CLPX: variants seen among roughly 807,000 people sequenced by gnomAD.
The protein encoded by CLPX is ATP-dependent clpX-like chaperone, mitochondrial.
CLPX carries 34 observed loss-of-function variants against 76.4 expected under a neutral mutation model. The observed-to-expected ratio is 0.45, with a 90% confidence interval of 0.34 to 0.59. The LOEUF (loss-of-function observed/expected upper bound fraction) is 0.59, where lower values mean the gene tolerates loss of function less well. CLPX is among the 20% of genes least tolerant of loss of function. The pLI is 0.01. For missense variants in CLPX, 613 were observed against 757.0 expected, an observed-to-expected ratio of 0.81 and a Z score of 2.23; for synonymous variants, 248 against 270.9, an observed-to-expected ratio of 0.92 and a Z score of 0.83.
chr15:65,162,089 T>C (rs1370992970), intron 6 of CLPX, among the ~76,000 whole-genome samples: 1 of 152,168 alleles, frequency 6.6e-6, no homozygotes, highest in East Asian at 1.9e-4. Flanking sequence ...CAACTAACTA[T>C]ATCCACCTCC....
At chr15:65,165,470 G>A (rs1385235364) in intron 4 of CLPX, among the ~76,000 whole-genome samples, 2 of 126,510 alleles carry the variant, frequency 1.6e-5, no homozygotes, top group Admixed American at 1.0e-4. Flanking sequence ...TGCAAGCTCC[G>A]CCTCCCGGGT....
chr15:65,179,106 C>T (rs2088129021), intron 2 of CLPX, 55 bp from the exon 3 acceptor site: 2 of 988,874 alleles, frequency 2.0e-6, no homozygotes, highest in Admixed American at 3.7e-5. Context: ...TTTCAGGCAA[C>T]CAACTTAAAT....
intron 3 of CLPX, among the ~76,000 whole-genome samples, chr15:65,173,033 A>G (rs536157672): frequency 6.6e-6 from 1 of 152,262 alleles, no homozygotes; most frequent in South Asian, 2.1e-4. Context: ...AAATAAAACC[A>G]AAAGAAGCCC....
rs949727712 is a variant in CLPX, at chr15:65,149,619, T to C, written c.*1204A>G. On this transcript the variant is annotated 3_prime_UTR_variant, in exon 14 of 14. Coordinates refer to ENST00000300107, the MANE Select transcript of CLPX (RefSeq NM_006660.5). ...GCTTACGCCTGCAATCCCAGCACTT[T>C]GGGAGGCTGAGGCCAGCAGATCACA... 6 of 444,294 alleles carry C rather than the reference T, an allele frequency of 1.4e-5. No homozygotes were observed. The highest frequency in any genetic ancestry group is 1.3e-4 in the Admixed American group (5 of 39,640). The allele number at this position is 444,294 out of a possible 1,614,324, so 27.5% of individuals were successfully genotyped here. A position where few individuals can be genotyped will look rare whatever the true frequency, so the allele number is the denominator to read the frequency against.
intron 12 of CLPX, among the ~76,000 whole-genome samples, chr15:65,152,839 C>T (rs572738344): frequency 7.9e-5 from 12 of 151,678 alleles, no homozygotes; most frequent in East Asian, 3.9e-4. Context: ...TCAGGCAATC[C>T]GCCTGCCTCA....
chr15:65,168,235 T>G (rs1047689898), intron 3 of CLPX, among the ~76,000 whole-genome samples: 4 of 150,068 alleles, frequency 2.7e-5, no homozygotes, highest in Non-Finnish European at 5.9e-5. Context: ...AATAGAAAAA[T>G]TAGCTGGGTG....
At chr15:65,168,081 A>G (rs576910596) in intron 3 of CLPX, among the ~76,000 whole-genome samples, 1 of 151,628 alleles carries the variant, frequency 6.6e-6, no homozygotes, top group East Asian at 2.0e-4. Flanking sequence ...GGATAAAAAG[A>G]GTCTCTTTTT....
chr15:65,164,333 A>G, intron 4 of CLPX, 145 bp from the exon 5 acceptor site: 1 of 594,018 alleles, frequency 1.7e-6, no homozygotes, highest in Non-Finnish European at 2.9e-6. Context: ...TACATTATAT[A>G]GCAATGATTC....
At chr15:65,182,625 G>A (rs997102354) in intron 1 of CLPX, among the ~76,000 whole-genome samples, 2 of 152,172 alleles carry the variant, frequency 1.3e-5, no homozygotes, top group Non-Finnish European at 2.9e-5. Flanking sequence ...CCAAGGAAAC[G>A]TTGTGTTTCA....
chr15:65,174,645 G>C (rs188900228), intron 3 of CLPX, among the ~76,000 whole-genome samples: 1 of 152,162 alleles, frequency 6.6e-6, no homozygotes, highest in Non-Finnish European at 1.5e-5. Context: ...TTTTTAAAAG[G>C]AAAGGATTAG....
chr15:65,155,937 GA>G (rs2087784671), intron 9 of CLPX, 81 bp from the exon 10 acceptor site: 3 of 1,226,856 alleles, frequency 2.4e-6, no homozygotes, highest in Non-Finnish European at 3.5e-6. Context: ...ATTAAATGGG[GA>G]AAACAATATG....
intron 12 of CLPX, 50 bp downstream of exon 12, chr15:65,153,497 C>A: frequency 8.5e-7 from 1 of 1,172,100 alleles, no homozygotes. Flanking sequence ...TTAATATACT[C>A]AAAACTCAGA....
At chr15:65,156,039 A>G (rs1418169923) in intron 9 of CLPX, among the ~76,000 whole-genome samples, 183 bp from the exon 10 acceptor site, 1 of 152,218 alleles carries the variant, frequency 6.6e-6, no homozygotes, top group East Asian at 1.9e-4. Flanking sequence ...AATAATTAAT[A>G]CATTTATTTG....
intron 7 of CLPX, 74 bp downstream of exon 7, chr15:65,158,501 A>C: frequency 7.9e-7 from 1 of 1,265,018 alleles, no homozygotes; most frequent in South Asian, 1.5e-5. Context: ...CTTCAATCGC[A>C]AGATACAGGT....
chr15:65,180,204 C>A lies in CLPX; in HGVS notation c.80G>T (p.Gly27Val). The change falls in exon 2 of 14, where the codon GGT becomes GTT. Residue 27 changes from glycine (G) to valine (V), a missense_variant and splice_region_variant. Transcript: ENST00000300107. ...CATATGAATGCGACCACCAGAAATA[C>A]CTGAAAATAAAAGGAAATCTACATC... ...ITSSLASAQR[G>V]ISGGRIHMSV... The A allele has an allele frequency of 6.3e-7, 1 of 1,579,922 alleles. No individual in the cohort carries two copies. The highest frequency in any genetic ancestry group is 8.6e-7 in the Non-Finnish European group (1 of 1,163,850).
chr15:65,164,985 C>T (rs139771760), intron 4 of CLPX, among the ~76,000 whole-genome samples: 208 of 152,076 alleles, frequency 1.4e-3, no homozygotes, highest in South Asian at 3.5e-3. Flanking sequence ...AGCTTGGAAC[C>T]TGGGGTAAAT....
rs201618549 is a variant in CLPX, at chr15:65,185,190, G to A, written c.-37C>T. ...CTAGGCCGGGGCTTCGCCCCCTGAG[G>A]ACCTCCGGGTCACAGCGGCGTGAAT... On this transcript the variant is annotated 5_prime_UTR_variant, in exon 1 of 14. Coordinates refer to ENST00000300107, the MANE Select transcript of CLPX (RefSeq NM_006660.5). The A allele has an allele frequency of 2.6e-5, 40 of 1,519,654 alleles. No individual in the cohort carries two copies. In the African/African-American group the frequency reaches 3.3e-4, roughly 13 times the overall value. The allele number at this position is 1,519,654 out of a possible 1,614,324, so 94.1% of individuals were successfully genotyped here.
chr15:65,171,230 T>G (rs1464785853), intron 3 of CLPX, among the ~76,000 whole-genome samples: 1 of 152,010 alleles, frequency 6.6e-6, no homozygotes, highest in South Asian at 2.1e-4. Flanking sequence ...GTGGATCACT[T>G]AAGGTCAGGA....
chr15:65,173,573 T>C (rs905875455), intron 3 of CLPX, among the ~76,000 whole-genome samples: 8 of 152,068 alleles, frequency 5.3e-5, no homozygotes, highest in Non-Finnish European at 8.8e-5. Flanking sequence ...TAGAAACATA[T>C]GTCCACACAA....
Sources: gnomAD v4.1 joint callset for allele counts (sites outside exome capture counted in the v4.1 genomes callset) on GRCh38, gnomAD v4.1.1 for gene constraint, MANE v1.5 for transcripts, NCBI Gene and HGNC (gene_info 2026-07-23, HGNC 2026-07-21) for gene names.